LEPR: variants seen among roughly 807,000 people sequenced by gnomAD.
LEPR encodes the protein OB receptor.
Under a neutral mutation model 114.7 loss-of-function variants are expected in LEPR, and 56 were observed. The observed-to-expected ratio is 0.49, with a 90% confidence interval of 0.39 to 0.61. The LOEUF (loss-of-function observed/expected upper bound fraction) is 0.61. Ranked by LOEUF, LEPR falls within the 20% of genes least tolerant of loss-of-function variation. LEPR has a pLI of 0.00. For synonymous variants in LEPR, 443 were observed against 461.4 expected, an observed-to-expected ratio of 0.96 and a Z score of 0.51; for missense variants, 1,202 against 1,352.9, an observed-to-expected ratio of 0.89 and a Z score of 1.75.
intron 5 of LEPR, 90 bp from the exon 6 acceptor site, chr1:65,592,567 T>C: frequency 7.0e-7 from 1 of 1,427,646 alleles, no homozygotes; most frequent in Non-Finnish European, 9.7e-7. Flanking sequence ...CCAAATAGTT[T>C]ACTTCAATTA....
chr1:65,507,462 T>TATATATATATACAC (rs1319087380), intron 2 of LEPR, among the ~76,000 whole-genome samples: 1 of 148,078 alleles, frequency 6.8e-6, no homozygotes, highest in Admixed American at 6.8e-5. Context: ...TGTGTGTGTA[T>TATATATATATACAC]ATATATATAT....
intron 2 of LEPR, among the ~76,000 whole-genome samples, chr1:65,503,667 G>A (rs1648574767): frequency 6.6e-6 from 1 of 152,036 alleles, no homozygotes; most frequent in East Asian, 1.9e-4. Context: ...ATGGGGAGAA[G>A]GCAAGAATGA....
intron 2 of LEPR, among the ~76,000 whole-genome samples, chr1:65,441,728 G>A (rs1037759744): frequency 4.6e-5 from 7 of 152,154 alleles, no homozygotes; most frequent in Non-Finnish European, 5.9e-5. Flanking sequence ...AGAAATCCAG[G>A]GAAAAGGTGA....
intron 2 of LEPR, among the ~76,000 whole-genome samples, chr1:65,460,835 C>G (rs1646935867): frequency 1.3e-5 from 2 of 152,000 alleles, no homozygotes; most frequent in African/African-American, 4.8e-5. Context: ...GAGTGACACT[C>G]TGTCTCAAAA....
At chr1:65,551,880 T>C (rs1652400822) in intron 2 of LEPR, among the ~76,000 whole-genome samples, 1 of 152,316 alleles carries the variant, frequency 6.6e-6, no homozygotes, top group South Asian at 2.1e-4. Flanking sequence ...GCTTTATATA[T>C]GTCCCAGAGA....
Position 65,636,290 on chromosome 1 carries a change from G to A in LEPR, c.2773G>A (p.Asp925Asn). 1 of 1,613,914 alleles carries A rather than the reference G, an allele frequency of 6.2e-7. No individual in the cohort carries two copies. The change falls in exon 20 of 20, where the codon GAT becomes AAT. Residue 925 changes from aspartate (D) to asparagine (N), a missense_variant. By Grantham distance (23) the Asp-to-Asn change is conservative. Transcript: ENST00000349533. Reference protein sequence around the residue: ...PETISEDISVDTSWKNKDEMM... With the variant: ...PETISEDISVNTSWKNKDEMM... ...AACAATTTCAGAAGATATCAGTGTT[G>A]ATACATCATGGAAAAATAAAGATGA...
chr1:65,627,105 G>T (rs1658263539), intron 19 of LEPR, among the ~76,000 whole-genome samples: 1 of 152,108 alleles, frequency 6.6e-6, no homozygotes. Context: ...GCCCAGAGTG[G>T]TTCAGTAGCT....
At chr1:65,448,099 G>C (rs1338727349) in intron 2 of LEPR, among the ~76,000 whole-genome samples, 1 of 152,144 alleles carries the variant, frequency 6.6e-6, no homozygotes, top group Non-Finnish European at 1.5e-5. Context: ...TCTTGCTCTT[G>C]ATCTTGGTGA....
At chr1:65,615,957 T>C (rs1657499758) in intron 14 of LEPR, 51 bp from the exon 15 acceptor site, 2 of 1,609,132 alleles carry the variant, frequency 1.2e-6, no homozygotes, top group Non-Finnish European at 1.7e-6. Context: ...GCTCAGTTAG[T>C]ATAAAAAGCA....
At chr1:65,575,424 C>A (rs1654515882) in intron 5 of LEPR, among the ~76,000 whole-genome samples, 1 of 150,620 alleles carries the variant, frequency 6.6e-6, no homozygotes. Context: ...CTTATAACTT[C>A]ATGCTTTCAC....
chr1:65,465,119 G>C (rs1335942890), intron 2 of LEPR, among the ~76,000 whole-genome samples: 1 of 151,932 alleles, frequency 6.6e-6, no homozygotes, highest in Non-Finnish European at 1.5e-5. Flanking sequence ...GTGATGATAG[G>C]GTGTCGATTT....
intron 2 of LEPR, among the ~76,000 whole-genome samples, chr1:65,428,385 C>T (rs1043018238): frequency 1.6e-4 from 25 of 152,276 alleles, no homozygotes; most frequent in Admixed American, 2.6e-4. Context: ...CAAACCCCTT[C>T]CCCTCTCTGT....
chr1:65,527,203 G>A (rs953174385), intron 2 of LEPR, among the ~76,000 whole-genome samples: 9 of 152,252 alleles, frequency 5.9e-5, no homozygotes, highest in Admixed American at 2.0e-4. Context: ...CTACTTTTTA[G>A]CATAAAGTTG....
intron 2 of LEPR, among the ~76,000 whole-genome samples, chr1:65,452,568 T>C (rs1052544338): frequency 1.3e-5 from 2 of 152,218 alleles, no homozygotes; most frequent in Non-Finnish European, 2.9e-5. Flanking sequence ...TCTATTTATA[T>C]GCTGGATTAC....
rs201386985 is a variant in LEPR at position 65,596,608 on chromosome 1, G to A, written c.849+15G>A. On this transcript the variant is annotated intron_variant, in intron 7 of 19. Transcript: ENST00000349533. ...TTATCAGAGAAGTAAGTATATTTTA[G>A]TAAGTAAAAGGAAAAGTTGAGAAGT... 1.3e-5 allele frequency: 21 copies of A among 1,608,930 alleles called. No individual in the cohort carries two copies. In the African/African-American group the frequency reaches 2.5e-4, roughly 19 times the overall value.
At chr1:65,564,373 C>A (rs550059394) in intron 2 of LEPR, among the ~76,000 whole-genome samples, 1 of 142,056 alleles carries the variant, frequency 7.0e-6, no homozygotes, top group Non-Finnish European at 1.6e-5. Context: ...TGACCCCTTG[C>A]GCTTCCCAGG....
At chr1:65,548,517 G>A (rs1237530220) in intron 2 of LEPR, among the ~76,000 whole-genome samples, 1 of 152,114 alleles carries the variant, frequency 6.6e-6, no homozygotes, top group Non-Finnish European at 1.5e-5. Context: ...ATATATTTAA[G>A]ATAGTTAGCT....
intron 11 of LEPR, among the ~76,000 whole-genome samples, chr1:65,605,811 G>A (rs78250046): frequency 6.6e-6 from 1 of 152,070 alleles, no homozygotes; most frequent in Non-Finnish European, 1.5e-5. Flanking sequence ...TATTCTTTCC[G>A]GTTCATTGTG....
intron 2 of LEPR, among the ~76,000 whole-genome samples, chr1:65,558,539 T>TAA (rs1653028393): frequency 2.8e-5 from 1 of 36,194 alleles, no homozygotes; most frequent in African/African-American, 8.3e-5. Context: ...TTTTTTTTTG[T>TAA]TTTTTTTTTG....
Sources: gnomAD v4.1 joint callset for allele counts (sites outside exome capture counted in the v4.1 genomes callset) on GRCh38, gnomAD v4.1.1 for gene constraint, MANE v1.5 for transcripts, NCBI Gene and HGNC (gene_info 2026-07-23, HGNC 2026-07-21) for gene names.